The following NRG1 variants were observed in gnomAD, a reference collection of about 807,000 sequenced individuals.
NRG1 encodes the protein pro-neuregulin-1, membrane-bound isoform.
NRG1 carries 18 observed loss-of-function variants against 63.8 expected under a neutral mutation model. The observed-to-expected ratio is 0.28, with a 90% CI of 0.19 to 0.42. The LOEUF is 0.42. NRG1 is among the 10% of genes least tolerant of loss of function. The probability of loss-of-function intolerance (pLI) is 1.00; values close to 1 mark genes in which losing one functional copy is unlikely to be tolerated. For synonymous variants in NRG1, 302 were observed against 301.3 expected (o/e 1.00, Z -0.02); for missense variants, 762 against 814.7 (o/e 0.94, Z 0.79).
At chr8:32,122,355 G>C (rs575598706) in intron 1 of NRG1, among the ~76,000 whole-genome samples, 1 of 151,854 alleles carries the variant, frequency 6.6e-6, no homozygotes, top group Non-Finnish European at 1.5e-5. Flanking sequence ...AATGTTAAGA[G>C]GTACTATAAT....
chr8:32,067,056 TG>T (rs1318956118), intron 1 of NRG1, among the ~76,000 whole-genome samples: 3 of 152,242 alleles, frequency 2.0e-5, no homozygotes, highest in African/African-American at 7.2e-5. Context: ...GAGACTTTGC[TG>T]AAGTTGCCTA....
intron 7 of NRG1, chr8:32,749,285 C>T (rs550132929): frequency 7.6e-5 from 38 of 498,266 alleles, no homozygotes; most frequent in East Asian, 3.1e-4. Context: ...GATAGTTCAG[C>T]GACAGAACTT....
chr8:32,238,437 CT>C, intron 1 of NRG1, among the ~76,000 whole-genome samples: 1 of 145,514 alleles, frequency 6.9e-6, no homozygotes, highest in African/African-American at 2.6e-5. Flanking sequence ...GAGACTCTTT[CT>C]CAAAAAGAAA....
intron 1 of NRG1, among the ~76,000 whole-genome samples, chr8:31,790,619 AG>A (rs1820607604): frequency 6.6e-6 from 1 of 152,170 alleles, no homozygotes; most frequent in African/African-American, 2.4e-5. Context: ...CTCTGTTAGG[AG>A]GGAAAAATGA....
At chr8:32,487,468 G>A (rs1383559149) in intron 1 of NRG1, among the ~76,000 whole-genome samples, 1 of 151,914 alleles carries the variant, frequency 6.6e-6, no homozygotes, top group Non-Finnish European at 1.5e-5. Context: ...GTGACTCCTG[G>A]TCTCCTCCAA....
At chr8:31,984,662 C>A (rs1563648328) in intron 1 of NRG1, among the ~76,000 whole-genome samples, 1 of 151,966 alleles carries the variant, frequency 6.6e-6, no homozygotes, top group South Asian at 2.1e-4. Context: ...TATTGGGAAC[C>A]CATAACCTTT....
intron 1 of NRG1, among the ~76,000 whole-genome samples, chr8:32,594,241 C>T (rs979499232): frequency 2.0e-5 from 3 of 152,066 alleles, no homozygotes; most frequent in African/African-American, 7.2e-5. Flanking sequence ...GCCCCTTACC[C>T]GGTGAATAAT....
chr8:31,687,143 A>G (rs1447167459), intron 1 of NRG1, among the ~76,000 whole-genome samples: 1 of 152,210 alleles, frequency 6.6e-6, no homozygotes, highest in African/African-American at 2.4e-5. Flanking sequence ...ATATTCCTGA[A>G]AAAAGGAAAC....
At chr8:32,673,908 G>C (rs1292119552) in intron 5 of NRG1, among the ~76,000 whole-genome samples, 1 of 152,178 alleles carries the variant, frequency 6.6e-6, no homozygotes, top group African/African-American at 2.4e-5. Context: ...GGTTCTTCAT[G>C]TGGCTGGAAA....
chr8:32,747,762 T>G (rs1453518637), intron 7 of NRG1, among the ~76,000 whole-genome samples: 1 of 126,454 alleles, frequency 7.9e-6, no homozygotes, highest in African/African-American at 3.2e-5. Flanking sequence ...ATATATACTT[T>G]AAAAAATCTG....
chr8:31,712,934 GAATCAATCAATC>G (rs372473636), intron 1 of NRG1, among the ~76,000 whole-genome samples: 1 of 151,174 alleles, frequency 6.6e-6, no homozygotes, highest in Non-Finnish European at 1.5e-5. Flanking sequence ...TGTCTATTAT[GAATCAATCAATC>G]AATCAATCAA....
chr8:32,442,149 T>A (rs16879403), intron 1 of NRG1, among the ~76,000 whole-genome samples: 2,001 of 152,300 alleles, frequency 0.013, 46 homozygotes, highest in African/African-American at 0.047. Flanking sequence ...CTGACTATCA[T>A]CTGGGAGAAC....
chr8:32,392,356 A>G (rs1239487244), intron 1 of NRG1, among the ~76,000 whole-genome samples: 1 of 152,278 alleles, frequency 6.6e-6, no homozygotes, highest in Non-Finnish European at 1.5e-5. Context: ...CTTACATCCC[A>G]TAAAAGCAGT....
intron 2 of NRG1, among the ~76,000 whole-genome samples, chr8:32,600,296 T>A (rs1327709969): frequency 6.6e-6 from 1 of 150,836 alleles, no homozygotes; most frequent in African/African-American, 2.4e-5. Context: ...TTCACGATGA[T>A]CAGTTTTACA....
chr8:32,705,439 A>G (rs1291736960), intron 5 of NRG1, among the ~76,000 whole-genome samples: 6 of 152,128 alleles, frequency 3.9e-5, no homozygotes, highest in Non-Finnish European at 5.9e-5. Flanking sequence ...CCAAGTGACA[A>G]TGTATTTTAA....
intron 1 of NRG1, among the ~76,000 whole-genome samples, chr8:31,874,447 A>G (rs1829743974): frequency 6.6e-6 from 1 of 152,184 alleles, no homozygotes; most frequent in Non-Finnish European, 1.5e-5. Context: ...GGTACATGGT[A>G]GGTGTATATA....
rs562264790 is a variant in NRG1, at chr8:32,742,985, A to C, written c.691+252A>C. On this transcript the variant is annotated intron_variant, in intron 7 of 11. Transcript: ENST00000356819. The surrounding 1 kb of genome is among the most constrained non-coding windows in gnomAD (Gnocchi z 4.2). ...CCGGATGTTTCTGGAATTGATATTG[A>C]ATGATGTGATACAAATTGATAGTCA... is the stretch of plus-strand genomic sequence containing the variant. 8 of 1,318,490 alleles carry C rather than the reference A, an allele frequency of 6.1e-6. No homozygotes were observed. Among genetic ancestry groups the C allele is most frequent in the Non-Finnish European group, 6.8e-6 (7 of 1,028,784 alleles). 81.7% of individuals were successfully genotyped at this position (1,318,490 alleles called of 1,614,324 possible).
intron 1 of NRG1, among the ~76,000 whole-genome samples, chr8:31,858,807 T>C (rs2129610142): frequency 6.6e-6 from 1 of 152,332 alleles, no homozygotes; most frequent in South Asian, 2.1e-4. Context: ...CGACTGCATG[T>C]TGCACAACCA....
chr8:31,856,717 C>T (rs1441213516), intron 1 of NRG1, among the ~76,000 whole-genome samples: 2 of 152,144 alleles, frequency 1.3e-5, no homozygotes, highest in Non-Finnish European at 2.9e-5. Context: ...AGTTTTTCTG[C>T]TCTGTTTTTT....
Sources: allele counts gnomAD v4.1 joint callset (sites outside exome capture counted in the v4.1 genomes callset), GRCh38; gene constraint gnomAD v4.1.1; non-coding constraint Gnocchi (gnomAD v3.1); transcripts MANE v1.5; gene names NCBI Gene and HGNC (gene_info 2026-07-23, HGNC 2026-07-21).